Variants in SYT1 observed in about 807,000 individuals in gnomAD.
SYT1 encodes the protein synaptotagmin-1.
In SYT1, 8 loss-of-function variants were observed where a neutral mutation model predicts 44.8. The observed-to-expected ratio is 0.18, with a 90% CI of 0.10 to 0.32. The LOEUF is 0.32. Among genes scored for constraint, SYT1 ranks in the 10% least tolerant of loss-of-function variants. The pLI is 1.00. For missense variants in SYT1, 286 were observed against 509.3 expected (o/e 0.56, Z 4.22); for synonymous variants, 154 against 188.8 (o/e 0.82, Z 1.51).
chr12:79,339,337 T>C (rs1294204817), intron 8 of SYT1, among the ~76,000 whole-genome samples: 2 of 152,178 alleles, frequency 1.3e-5, no homozygotes, highest in East Asian at 3.9e-4. Context: ...ACCTGTTGTT[T>C]CCTGACTTTT....
At chr12:79,159,825 G>A (rs531597531) in intron 3 of SYT1, among the ~76,000 whole-genome samples, 9 of 152,096 alleles carry the variant, frequency 5.9e-5, no homozygotes, top group East Asian at 1.9e-4. Flanking sequence ...GTTAAACACC[G>A]TCTGTTATTA....
At chr12:79,021,307 T>A (rs760393041) in intron 2 of SYT1, among the ~76,000 whole-genome samples, 12 of 151,898 alleles carry the variant, frequency 7.9e-5, no homozygotes, top group Non-Finnish European at 1.5e-4. Flanking sequence ...AGAGATTCTA[T>A]CATGAGCCTA....
chr12:78,947,142 A>T (rs1328221312), intron 1 of SYT1, among the ~76,000 whole-genome samples: 1 of 152,174 alleles, frequency 6.6e-6, no homozygotes, highest in Admixed American at 6.5e-5. Context: ...TTCCCAAAAG[A>T]TTTGCAACTA....
chr12:79,344,256 C>T (rs1386357486), intron 8 of SYT1, among the ~76,000 whole-genome samples: 1 of 152,202 alleles, frequency 6.6e-6, no homozygotes, highest in Non-Finnish European at 1.5e-5. Context: ...ACATACCTCA[C>T]CAAACATGCC....
At chr12:78,965,822 T>G (rs1040029356) in intron 1 of SYT1, among the ~76,000 whole-genome samples, 1 of 152,084 alleles carries the variant, frequency 6.6e-6, no homozygotes, top group African/African-American at 2.4e-5. Context: ...CTCACACCTG[T>G]AATCCCAGCA....
intron 4 of SYT1, among the ~76,000 whole-genome samples, chr12:79,242,055 G>C (rs1486767032): frequency 6.6e-6 from 1 of 152,182 alleles, no homozygotes; most frequent in Non-Finnish European, 1.5e-5. Flanking sequence ...TTCAGAAACA[G>C]TATGGCCTTC....
chr12:79,435,056 C>A (rs549089438), intron 9 of SYT1, among the ~76,000 whole-genome samples: 1 of 152,084 alleles, frequency 6.6e-6, no homozygotes, highest in Non-Finnish European at 1.5e-5. Flanking sequence ...CTATGTTAGT[C>A]CAATCAGAAT....
At chr12:79,055,458 A>G (rs1039636743) in intron 3 of SYT1, among the ~76,000 whole-genome samples, 1 of 152,048 alleles carries the variant, frequency 6.6e-6, no homozygotes, top group Non-Finnish European at 1.5e-5. Flanking sequence ...TGATTTAGCT[A>G]TATGAATTAT....
intron 3 of SYT1, among the ~76,000 whole-genome samples, chr12:79,151,061 A>G (rs558328519): frequency 1.1e-4 from 16 of 152,166 alleles, no homozygotes; most frequent in South Asian, 4.1e-4. Flanking sequence ...TGACTGTGCC[A>G]CAGACCCAGA....
chr12:79,366,336 T>A (rs1883542555), intron 9 of SYT1, among the ~76,000 whole-genome samples: 1 of 152,286 alleles, frequency 6.6e-6, no homozygotes, highest in African/African-American at 2.4e-5. Context: ...AGTGAATGTT[T>A]ATGAATTATG....
chr12:79,142,587 T>G (rs1290517365), intron 3 of SYT1, among the ~76,000 whole-genome samples: 1 of 152,324 alleles, frequency 6.6e-6, no homozygotes, highest in Non-Finnish European at 1.5e-5. Context: ...AATGATGGAA[T>G]GGAATATTTC....
At chr12:79,069,195 A>G (rs1876095846) in intron 3 of SYT1, among the ~76,000 whole-genome samples, 1 of 152,188 alleles carries the variant, frequency 6.6e-6, no homozygotes, top group African/African-American at 2.4e-5. Flanking sequence ...ATGGTGATGA[A>G]CAATGTGAAA....
intron 1 of SYT1, among the ~76,000 whole-genome samples, chr12:78,955,256 G>A (rs945273253): frequency 6.6e-6 from 1 of 152,072 alleles, no homozygotes; most frequent in Admixed American, 6.6e-5. Context: ...CAGAAGACAA[G>A]AAAAGCGTTG....
At chr12:79,227,727 G>A (rs1471311288) in intron 4 of SYT1, among the ~76,000 whole-genome samples, 2 of 152,136 alleles carry the variant, frequency 1.3e-5, no homozygotes, top group Non-Finnish European at 2.9e-5. Flanking sequence ...AAATGGGGAT[G>A]AAAATAATAC....
intron 4 of SYT1, among the ~76,000 whole-genome samples, chr12:79,230,498 C>T (rs988114781): frequency 6.6e-6 from 1 of 151,886 alleles, no homozygotes; most frequent in Non-Finnish European, 1.5e-5. Flanking sequence ...CTTATTTACA[C>T]TTTGAGACAG....
Position 78,951,837 on chromosome 12 carries a change from C to T in SYT1, c.-216-25962C>T, listed in dbSNP as rs529708574. Among the ~76,000 whole-genome samples the T allele has an allele frequency of 3.9e-5, 6 of 152,206 alleles. No homozygotes were observed. The East Asian group carries it at 9.7e-4, about 25-fold the overall frequency. ...CGTGCAGCTCCCAGTGATTTGGCTACGTGAGTGCTTTCTGGAGCTTATGTG... is the reference window on the plus strand; with the variant it reads ...CGTGCAGCTCCCAGTGATTTGGCTATGTGAGTGCTTTCTGGAGCTTATGTG... On this transcript the variant is annotated intron_variant, in intron 1 of 10. Transcript: ENST00000261205.
chr12:78,982,542 C>G (rs566645404), intron 2 of SYT1, among the ~76,000 whole-genome samples: 1 of 152,124 alleles, frequency 6.6e-6, no homozygotes, highest in Non-Finnish European at 1.5e-5. Context: ...GTTTTGGCAA[C>G]ATTCCAAGAA....
intron 3 of SYT1, among the ~76,000 whole-genome samples, chr12:79,173,426 G>C (rs1871670854): frequency 6.6e-6 from 1 of 152,092 alleles, no homozygotes; most frequent in African/African-American, 2.4e-5. Flanking sequence ...ACCTGGGCAA[G>C]ATGGATGAAG....
chr12:78,949,468 A>G (rs1306884423), intron 1 of SYT1, among the ~76,000 whole-genome samples: 1 of 147,098 alleles, frequency 6.8e-6, no homozygotes, highest in Non-Finnish European at 1.5e-5. Context: ...ACAAGACAAT[A>G]TAGCTCATTA....
Sources: allele counts gnomAD v4.1 joint callset (sites outside exome capture counted in the v4.1 genomes callset), GRCh38; gene constraint gnomAD v4.1.1; transcripts MANE v1.5; gene names NCBI Gene and HGNC (gene_info 2026-07-23, HGNC 2026-07-21).